Variants in SOX6 observed in about 807,000 individuals in gnomAD.
SOX6 encodes the protein transcription factor SOX-6.
SOX6 carries 11 observed loss-of-function variants against 97.8 expected under a neutral mutation model. The ratio of observed to expected loss-of-function variants is 0.11; its 90% confidence interval spans 0.07 to 0.19. The LOEUF is 0.19. Among genes scored for constraint, SOX6 ranks in the 10% least tolerant of loss-of-function variants. The pLI, the probability that SOX6 is intolerant of heterozygous loss-of-function variation, is 1.00. For missense variants in SOX6, 810 were observed against 1,039.5 expected (o/e 0.78, Z 3.04); for synonymous variants, 360 against 371.4 (o/e 0.97, Z 0.35).
chr11:16,111,691 T>C, intron 7 of SOX6, 112 bp downstream of exon 7: 1 of 1,376,972 alleles, frequency 7.3e-7, no homozygotes, highest in Non-Finnish European at 1.0e-6. Context: ...TAAGCTTTTA[T>C]GATATTTTTA....
At position 16,455,279 on chromosome 11, in the gene SOX6, A is replaced by T. The variant is rs901033183; in HGVS notation, c.-5+21036T>A. On this transcript the variant is annotated intron_variant, in intron 1 of 15. Coordinates refer to the SOX6 transcript ENST00000396356. ...AAACCACAGTTTATCACCACAAAAA[A>T]TTTTTTTAAATATTTTAAAAGTATA... 7.9e-5 allele frequency among the ~76,000 whole-genome samples: 12 copies of T among 152,112 alleles called. 1 individual carries two copies. Among genetic ancestry groups the T allele is most frequent in the Middle Eastern group, 3.4e-3 (1 of 294 alleles).
intron 4 of SOX6, among the ~76,000 whole-genome samples, chr11:16,583,623 A>ATATG (rs1452742633): frequency 1.4e-5 from 2 of 138,468 alleles, no homozygotes; most frequent in Admixed American, 7.3e-5. Context: ...ACATATATAT[A>ATATG]TATATATATA....
rs1312248827 is a variant in SOX6 at position 16,063,553 on chromosome 11, T to C, written c.1102-7652A>G. Among the ~76,000 whole-genome samples the C allele has an allele frequency of 1.5e-3, 115 of 75,588 alleles. 1 individual carries two copies. Among genetic ancestry groups the C allele is most frequent in the African/African-American group, 5.2e-3 (106 of 20,206 alleles). 49.6% of individuals were successfully genotyped at this position (75,588 alleles called of 152,430 possible). On this transcript the variant is annotated intron_variant, in intron 9 of 15. Coordinates refer to ENST00000683767, the MANE Select transcript of SOX6 (RefSeq NM_001367873.1). ...ATATATATATATATATATATATATA[T>C]ACCTGCTTTCTATGATACAATCATT...
At position 16,047,004 on chromosome 11, in the gene SOX6, C is replaced by T. The variant is rs184353299; in HGVS notation, c.1436-303G>A. On this transcript the variant is annotated intron_variant, in intron 11 of 15. Transcript: ENST00000683767. ...TATACATATTGGGGGAAGGTATTTGCTCTGCCTGTATGTACAACTGGTGCA... is the reference window on the plus strand; with the variant it reads ...TATACATATTGGGGGAAGGTATTTGTTCTGCCTGTATGTACAACTGGTGCA... 7.2e-5 allele frequency among the ~76,000 whole-genome samples: 11 copies of T among 152,184 alleles called. No homozygotes were observed. In the East Asian group the frequency reaches 2.1e-3, roughly 29 times the overall value.
chr11:16,214,622 G>A (rs1852318250), intron 4 of SOX6, among the ~76,000 whole-genome samples: 1 of 151,942 alleles, frequency 6.6e-6, no homozygotes, highest in African/African-American at 2.4e-5. Flanking sequence ...TCTCTATAAG[G>A]AGATGCCATA....
chr11:16,325,593 T>G (rs1856062202), intron 2 of SOX6, among the ~76,000 whole-genome samples: 1 of 152,128 alleles, frequency 6.6e-6, no homozygotes, highest in Non-Finnish European at 1.5e-5. Context: ...TATTATAGTT[T>G]CCCTCTACCA....
At chr11:16,632,421 T>C (rs2133996633) in intron 3 of SOX6, among the ~76,000 whole-genome samples, 1 of 152,320 alleles carries the variant, frequency 6.6e-6, no homozygotes, top group Middle Eastern at 3.4e-3. Context: ...AGCTTTTAGC[T>C]TGTCTGGAAA....
chr11:16,458,790 A>T (rs12289034), intron 1 of SOX6, among the ~76,000 whole-genome samples: 3,730 of 152,120 alleles, frequency 0.025, 136 homozygotes, highest in African/African-American at 0.078. Flanking sequence ...GATTCCTGAG[A>T]AAGGTAAAAC....
chr11:16,249,309 G>C (rs925215528), intron 3 of SOX6, among the ~76,000 whole-genome samples: 1 of 152,092 alleles, frequency 6.6e-6, no homozygotes, highest in African/African-American at 2.4e-5. Context: ...TCATTCTCAA[G>C]TTGAAAGTTC....
At chr11:16,538,576 C>G (rs1443922325) in intron 4 of SOX6, among the ~76,000 whole-genome samples, 1 of 152,028 alleles carries the variant, frequency 6.6e-6, no homozygotes, top group Non-Finnish European at 1.5e-5. Flanking sequence ...ATTCAGGAGA[C>G]CCATCTCATG....
intron 3 of SOX6, among the ~76,000 whole-genome samples, chr11:16,662,412 C>T (rs1847772727): frequency 6.6e-6 from 1 of 152,084 alleles, no homozygotes; most frequent in South Asian, 2.1e-4. Flanking sequence ...TGGATTTTTT[C>T]CTCTGGTTTC....
intron 1 of SOX6, among the ~76,000 whole-genome samples, chr11:16,425,770 T>A (rs1030331978): frequency 6.6e-6 from 1 of 151,980 alleles, no homozygotes; most frequent in Admixed American, 6.6e-5. Context: ...AGGTGAAAGA[T>A]CTCTACAAGG....
At chr11:16,115,834 C>A (rs987880288) in intron 6 of SOX6, among the ~76,000 whole-genome samples, 3 of 152,156 alleles carry the variant, frequency 2.0e-5, no homozygotes. Flanking sequence ...GTTTCAAAAG[C>A]ATATTGCTGG....
intron 1 of SOX6, among the ~76,000 whole-genome samples, chr11:16,384,025 A>C (rs1857904935): frequency 6.6e-6 from 1 of 151,992 alleles, no homozygotes; most frequent in Non-Finnish European, 1.5e-5. Flanking sequence ...CTCAGGAATC[A>C]GATGTTTGTA....
At chr11:16,120,603 T>C (rs1849466551) in intron 6 of SOX6, among the ~76,000 whole-genome samples, 1 of 151,398 alleles carries the variant, frequency 6.6e-6, no homozygotes, top group South Asian at 2.1e-4. Flanking sequence ...TCTGCATAAA[T>C]ATACTTCAAT....
At chr11:16,426,934 A>C (rs1859152554) in intron 1 of SOX6, among the ~76,000 whole-genome samples, 1 of 150,890 alleles carries the variant, frequency 6.6e-6, no homozygotes, top group Non-Finnish European at 1.5e-5. Context: ...AAAAAAAAAA[A>C]AACTGGATCC....
At chr11:16,050,862 C>T (rs1447624662) in intron 10 of SOX6, among the ~76,000 whole-genome samples, 1 of 152,042 alleles carries the variant, frequency 6.6e-6, no homozygotes, top group African/African-American at 2.4e-5. Flanking sequence ...GTTTTAAGAT[C>T]TGCATTATTG....
At chr11:16,207,422 G>A (rs1852101083) in intron 4 of SOX6, among the ~76,000 whole-genome samples, 2 of 151,980 alleles carry the variant, frequency 1.3e-5, no homozygotes, top group Admixed American at 6.5e-5. Flanking sequence ...CTAACACGGT[G>A]AAACCCCATC....
chr11:16,058,164 T>C (rs1159585633), intron 9 of SOX6, among the ~76,000 whole-genome samples: 3 of 152,208 alleles, frequency 2.0e-5, no homozygotes, highest in Middle Eastern at 6.8e-3. Flanking sequence ...CATTTTGTTA[T>C]ACTCTATGAC....
Sources: gnomAD v4.1 joint callset for allele counts (sites outside exome capture counted in the v4.1 genomes callset) on GRCh38, gnomAD v4.1.1 for gene constraint, MANE v1.5 for transcripts, NCBI Gene and HGNC (gene_info 2026-07-23, HGNC 2026-07-21) for gene names.